Variants in PTPRT observed in about 807,000 individuals in gnomAD.
PTPRT encodes receptor-type tyrosine-protein phosphatase T.
Under a neutral mutation model 176.8 loss-of-function variants are expected in PTPRT, and 56 were observed. The observed-to-expected ratio is 0.32, with a 90% CI of 0.26 to 0.40. PTPRT has a LOEUF of 0.40. Among genes scored for constraint, PTPRT ranks in the 10% least tolerant of loss-of-function variants. The pLI, the probability that PTPRT is intolerant of heterozygous loss-of-function variation, is 1.00. For missense variants in PTPRT, 1,540 were observed against 1,908.2 expected (o/e 0.81, Z 3.60); for synonymous variants, 783 against 739.0 (o/e 1.06, Z -0.96).
At chr20:42,985,750 G>A (rs1275407473) in intron 1 of PTPRT, among the ~76,000 whole-genome samples, 1 of 152,170 alleles carries the variant, frequency 6.6e-6, no homozygotes, top group East Asian at 1.9e-4. Context: ...AAATAGAATG[G>A]TCAGACTCAG....
intron 15 of PTPRT, among the ~76,000 whole-genome samples, chr20:42,221,673 C>A (rs1194923159): frequency 1.3e-5 from 2 of 151,966 alleles, no homozygotes; most frequent in African/African-American, 2.4e-5. Context: ...GTGCATGCCA[C>A]CATGCCTGAC....
intron 15 of PTPRT, among the ~76,000 whole-genome samples, chr20:42,206,572 G>A (rs1021961317): frequency 1.3e-5 from 2 of 152,204 alleles, no homozygotes; most frequent in Non-Finnish European, 2.9e-5. Context: ...GCGCATTTCC[G>A]ACGGGCTTAA....
chr20:42,523,492 G>A (rs1009020195), intron 7 of PTPRT, among the ~76,000 whole-genome samples: 1 of 152,100 alleles, frequency 6.6e-6, no homozygotes, highest in African/African-American at 2.4e-5. Flanking sequence ...TAGGTGTTTT[G>A]TAAATATTGT....
chr20:42,194,906 T>C (rs112190585), intron 16 of PTPRT, among the ~76,000 whole-genome samples: 2,970 of 151,912 alleles, frequency 0.02, 94 homozygotes, highest in African/African-American at 0.067. Flanking sequence ...TCACTTGAAA[T>C]AGAAAAATCA....
At chr20:42,339,235 C>A (rs912810605) in intron 11 of PTPRT, among the ~76,000 whole-genome samples, 2 of 152,164 alleles carry the variant, frequency 1.3e-5, no homozygotes, top group African/African-American at 4.8e-5. Context: ...ATAGAAGTGA[C>A]CGTATTCAGA....
rs1369494022 is a variant in PTPRT at position 42,913,764 on chromosome 20, A to T, written c.89-27832T>A. Among the ~76,000 whole-genome samples, 4 of 152,306 alleles carry T rather than the reference A, an allele frequency of 2.6e-5. No homozygotes were observed. In the South Asian group the frequency reaches 8.3e-4, roughly 32 times the overall value. On this transcript the variant is annotated intron_variant, in intron 1 of 30. Transcript: ENST00000373187. ...TGATGACATTAACTTTAGATTGAGAAAAGCTGTTTGTTTATGTTTAGTATG... is the reference window on the plus strand; with the variant it reads ...TGATGACATTAACTTTAGATTGAGATAAGCTGTTTGTTTATGTTTAGTATG...
At chr20:43,001,665 G>GA (rs1025536525) in intron 1 of PTPRT, among the ~76,000 whole-genome samples, 1 of 150,762 alleles carries the variant, frequency 6.6e-6, no homozygotes, top group Non-Finnish European at 1.5e-5. Context: ...AATATACCAG[G>GA]AAAAAAAAAT....
chr20:42,688,588 C>T (rs6072828), intron 6 of PTPRT: 34,714 of 152,062 alleles, frequency 0.23, 4,173 homozygotes, highest in East Asian at 0.3. Flanking sequence ...GGTTTCCCTC[C>T]TGGACTGTGA....
chr20:42,851,373 T>A (rs2078466357), intron 2 of PTPRT, among the ~76,000 whole-genome samples: 1 of 152,184 alleles, frequency 6.6e-6, no homozygotes, highest in Non-Finnish European at 1.5e-5. Context: ...TTTCTATTAT[T>A]CTTAACTTTA....
intron 13 of PTPRT, among the ~76,000 whole-genome samples, chr20:42,279,373 G>A (rs1034547280): frequency 5.3e-5 from 8 of 151,978 alleles, no homozygotes; most frequent in South Asian, 2.1e-4. Flanking sequence ...TCAGGGTGGC[G>A]CTTCCAAAAG....
At chr20:42,475,532 C>T (rs571035180) in intron 7 of PTPRT, among the ~76,000 whole-genome samples, 11 of 152,246 alleles carry the variant, frequency 7.2e-5, no homozygotes, top group South Asian at 6.2e-4. Flanking sequence ...CTTGACGCCA[C>T]CGGAGACTGA....
intron 9 of PTPRT, among the ~76,000 whole-genome samples, chr20:42,389,086 C>T (rs577751418): frequency 7.8e-5 from 11 of 141,580 alleles, no homozygotes; most frequent in Non-Finnish European, 1.5e-4. Context: ...TGAGAACACT[C>T]GGACACAGGA....
At chr20:42,055,553 T>C in the PTPRT span, among the ~76,000 whole-genome samples, 1 of 152,046 alleles carries the variant, frequency 6.6e-6, no homozygotes, top group Non-Finnish European at 1.5e-5. Flanking sequence ...GGGCAAGGGA[T>C]GTGGTTGGGG....
chr20:42,077,119 T>G lies in PTPRT; in HGVS notation c.*3760A>C, dbSNP rs1392085542. Reference sequence around the variant, plus strand: ...CCTCCTTTAGAATGCTGGAAGAATTTAATGAGCTCACATGTTAGAGTCCCC... The same window carrying G: ...CCTCCTTTAGAATGCTGGAAGAATTGAATGAGCTCACATGTTAGAGTCCCC... On this transcript the variant is annotated 3_prime_UTR_variant, in exon 31 of 31. Coordinates refer to ENST00000373187, the MANE Select transcript of PTPRT (RefSeq NM_007050.6). 1.1e-5 allele frequency: 2 copies of G among 182,282 alleles called. No individual in the cohort carries two copies. Among genetic ancestry groups the G allele is most frequent in the African/African-American group, 2.3e-5 (1 of 42,590 alleles). The allele number at this position is 182,282 out of a possible 1,614,324, so 11.3% of individuals were successfully genotyped here. A position where few individuals can be genotyped will look rare whatever the true frequency, so the allele number is the denominator to read the frequency against.
chr20:42,350,593 A>T (rs1463073960), intron 11 of PTPRT, 35 bp downstream of exon 11: 2 of 1,522,314 alleles, frequency 1.3e-6, no homozygotes, highest in Non-Finnish European at 1.8e-6. Context: ...ACAGAGAAGA[A>T]AAACTGCAGA....
intron 13 of PTPRT, among the ~76,000 whole-genome samples, chr20:42,252,596 T>TGCCAAAGGCTGTTACC (rs898971998): frequency 1.3e-5 from 2 of 152,206 alleles, no homozygotes; most frequent in Non-Finnish European, 2.9e-5. Context: ...TGATCAACTA[T>TGCCAAAGGCTGTTACC]GCCAAAGGCT....
intron 2 of PTPRT, among the ~76,000 whole-genome samples, chr20:42,879,627 G>C (rs1275484457): frequency 1.3e-5 from 2 of 152,184 alleles, no homozygotes; most frequent in African/African-American, 2.4e-5. Flanking sequence ...CACATGAGCA[G>C]TTAGAGCAAG....
chr20:42,784,816 C>T (rs926490189), intron 3 of PTPRT, among the ~76,000 whole-genome samples: 5 of 152,022 alleles, frequency 3.3e-5, no homozygotes, highest in African/African-American at 1.2e-4. Context: ...AACAGAAGTT[C>T]TTTTATTTTT....
chr20:42,677,848 G>GGAA lies in PTPRT; in HGVS notation c.1153+17_1153+18insTTC, dbSNP rs111229158. On this transcript the variant is annotated intron_variant, in intron 7 of 30. Coordinates refer to ENST00000373187, the MANE Select transcript of PTPRT (RefSeq NM_007050.6). ...CACAGCCTCTCATAATGGAGCCTGG[G>GGAA]AAAAAAAAAAATCTTACCTGCACAC... 8.0e-7 allele frequency: 1 copy of GGAA among 1,248,154 alleles called. No homozygotes were observed. The highest frequency in any genetic ancestry group is 1.5e-5 in the African/African-American group (1 of 66,020). 77.3% of individuals were successfully genotyped at this position (1,248,154 alleles called of 1,614,324 possible). A position where few individuals can be genotyped will look rare whatever the true frequency, so the allele number is the denominator to read the frequency against.
Sources: allele counts gnomAD v4.1 joint callset (sites outside exome capture counted in the v4.1 genomes callset), GRCh38; gene constraint gnomAD v4.1.1; transcripts MANE v1.5; gene names NCBI Gene and HGNC (gene_info 2026-07-23, HGNC 2026-07-21).